The following SOD2 variants were observed in gnomAD, a reference collection of about 807,000 sequenced individuals.
SOD2 encodes superoxide dismutase [Mn], mitochondrial.
Under a neutral mutation model 27.0 loss-of-function variants are expected in SOD2, and 11 were observed. That is an observed-to-expected ratio of 0.41 (90% confidence interval 0.26 to 0.67). The LOEUF (loss-of-function observed/expected upper bound fraction) is 0.67. SOD2 is among the 30% of genes least tolerant of loss of function. The probability of loss-of-function intolerance (pLI) is 0.34; values close to 1 mark genes in which losing one functional copy is unlikely to be tolerated. For missense variants in SOD2, 250 were observed against 274.5 expected (o/e 0.91, Z 0.63); for synonymous variants, 105 against 103.0 (o/e 1.02, Z -0.12).
exon 1 of SOD2, chr6:159,762,249 T>C: frequency 7.1e-7 from 1 of 1,404,802 alleles, no homozygotes; most frequent in Admixed American, 2.6e-5. Context: ...AGGAAGCCGG[T>C]CAGGCCAAGC....
At chr6:159,755,939 T>C (rs1027051552) in intron 1 of SOD2, 66 of 243,410 alleles carry the variant, frequency 2.7e-4, no homozygotes, top group Non-Finnish European at 4.8e-4. Flanking sequence ...AACACAATGA[T>C]GTCTGTATAA....
rs1297375298 is a variant in SOD2, at chr6:159,692,779, G to A, written c.108C>T (p.Gly36=). ...HSLPDLPYDY[G]ALEPHINAQI... is the part of the protein sequence containing the mutation. ...GCGCGTTGATGTGAGGTTCCAGGGC[G>A]CCGTAGTCGTAGGGCAGGTCGGGGA... Residue 36 remains glycine, a synonymous_variant, in exon 2 of 5, where the codon GGC becomes GGT. Coordinates refer to ENST00000538183, the MANE Select transcript of SOD2 (RefSeq NM_000636.4). 1 of 1,614,118 alleles carries A rather than the reference G, an allele frequency of 6.2e-7. No individual in the cohort carries two copies. The highest frequency in any genetic ancestry group is 8.5e-7 in the Non-Finnish European group (1 of 1,180,018).
chr6:159,736,062 G>T (rs1778894052), intron 1 of SOD2, among the ~76,000 whole-genome samples: 2 of 152,116 alleles, frequency 1.3e-5, no homozygotes, highest in Admixed American at 1.3e-4. Flanking sequence ...TGGGTACAGA[G>T]TATATAGGAA....
At chr6:159,694,905 A>G (rs1422706275), upstream of SOD2, among the ~76,000 whole-genome samples, 1 of 151,934 alleles carries the variant, frequency 6.6e-6, no homozygotes, top group Non-Finnish European at 1.5e-5. Context: ...CGCCCGGCCT[A>G]TAGATACCCT....
chr6:159,738,372 GCA>G (rs1255306342), intron 1 of SOD2, among the ~76,000 whole-genome samples: 3 of 152,016 alleles, frequency 2.0e-5, no homozygotes, highest in Non-Finnish European at 2.9e-5. Flanking sequence ...CTTCCACTTA[GCA>G]CAGTTTCCTT....
At chr6:159,695,834 A>G (rs1777413050), upstream of SOD2, among the ~76,000 whole-genome samples, 1 of 152,046 alleles carries the variant, frequency 6.6e-6, no homozygotes, top group African/African-American at 2.4e-5. Flanking sequence ...GAGGGTACTG[A>G]ATGGCCTCAG....
At chr6:159,740,310 T>G (rs1232752375) in intron 1 of SOD2, among the ~76,000 whole-genome samples, 1 of 152,220 alleles carries the variant, frequency 6.6e-6, no homozygotes, top group Non-Finnish European at 1.5e-5. Context: ...TAAGATACCT[T>G]TAAGGTTTCT....
chr6:159,693,293 C>CG, upstream of SOD2: 1 of 747,964 alleles, frequency 1.3e-6, no homozygotes. Context: ...AGCAGGGCCG[C>CG]GACCCCAGCT....
upstream of SOD2, among the ~76,000 whole-genome samples, chr6:159,693,665 C>T (rs959733612): frequency 2.6e-5 from 4 of 152,206 alleles, no homozygotes; most frequent in South Asian, 2.1e-4. Context: ...CGGGGGGCCG[C>T]GGGGTCCAGA....
chr6:159,735,257 G>A (rs1778835637), intron 1 of SOD2, among the ~76,000 whole-genome samples: 1 of 152,156 alleles, frequency 6.6e-6, no homozygotes, highest in Non-Finnish European at 1.5e-5. Flanking sequence ...TCCTGCCTCA[G>A]TCTCCCTAGT....
chr6:159,723,470 C>T (rs529835054), intron 1 of SOD2, among the ~76,000 whole-genome samples: 2 of 152,326 alleles, frequency 1.3e-5, no homozygotes, highest in Admixed American at 1.3e-4. Context: ...AAATACCTGG[C>T]TCATCTTGTA....
chr6:159,711,022 T>C (rs79864527), intron 1 of SOD2, among the ~76,000 whole-genome samples: 34 of 60,470 alleles, frequency 5.6e-4, no homozygotes, highest in African/African-American at 2.0e-3. Context: ...ACCACCTCCA[T>C]AACCACCACT....
intron 1 of SOD2, among the ~76,000 whole-genome samples, chr6:159,705,123 G>A (rs574125428): frequency 2.6e-4 from 39 of 152,258 alleles, no homozygotes; most frequent in South Asian, 1.2e-3. Flanking sequence ...CTACCTGTAC[G>A]TCACCGTCAT....
chr6:159,693,639 G>C (rs901124945), upstream of SOD2, among the ~76,000 whole-genome samples: 11 of 152,228 alleles, frequency 7.2e-5, no homozygotes, highest in African/African-American at 2.7e-4. Flanking sequence ...CTGCCCCTGA[G>C]TTTTGGTTGC....
chr6:159,755,735 TGTTTTTTTTCTTTG>T, intron 1 of SOD2: 1 of 1,177,650 alleles, frequency 8.5e-7, no homozygotes, highest in Non-Finnish European at 1.1e-6. Flanking sequence ...TTTTTTTTGT[TGTTTTTTTTCTTTG>T]TTTTTTTTTT....
intron 1 of SOD2, chr6:159,726,512 TAC>T (rs941569184): frequency 2.9e-5 from 9 of 307,370 alleles, no homozygotes; most frequent in Non-Finnish European, 5.1e-5. Context: ...TCAAAAGAAT[TAC>T]GTGCTCTTCT....
upstream of SOD2, among the ~76,000 whole-genome samples, chr6:159,728,533 G>A (rs917935397): frequency 2.0e-5 from 3 of 152,154 alleles, no homozygotes; most frequent in Non-Finnish European, 4.4e-5. Context: ...TAATTCCATT[G>A]CTTCGGAAGA....
At chr6:159,751,882 C>T (rs1191455001) in intron 1 of SOD2, among the ~76,000 whole-genome samples, 2 of 151,912 alleles carry the variant, frequency 1.3e-5, no homozygotes, top group Admixed American at 6.6e-5. Context: ...GGCAACAAGG[C>T]GAAACCCCAT....
chr6:159,728,234 A>G (rs557035743), upstream of SOD2, among the ~76,000 whole-genome samples: 26 of 152,338 alleles, frequency 1.7e-4, no homozygotes, highest in African/African-American at 6.0e-4. Context: ...GTGAAATCCA[A>G]GTCTTACCTT....
Sources: allele counts gnomAD v4.1 joint callset (sites outside exome capture counted in the v4.1 genomes callset), GRCh38; gene constraint gnomAD v4.1.1; transcripts MANE v1.5; gene names NCBI Gene and HGNC (gene_info 2026-07-23, HGNC 2026-07-21).